NHERF1: variants seen among roughly 807,000 people sequenced by gnomAD.
NHERF1 encodes NHERF family PDZ scaffold protein 1, also known as Na(+)/H(+) exchange regulatory cofactor NHE-RF1.
chr17:74,748,958 T>C, the NHERF1 span: 1 of 1,606,480 alleles, frequency 6.2e-7, no homozygotes, highest in South Asian at 1.1e-5. The surrounding 1 kb of genome is among the most constrained non-coding windows in gnomAD (Gnocchi z 4.3). Flanking sequence ...GTTGGGCCAG[T>C]ACATCCGGCT....
chr17:74,766,802 T>G, the NHERF1 span: 1 of 840,460 alleles, frequency 1.2e-6, no homozygotes. Context: ...TCATGGTGGG[T>G]GGTAGTCAAA....
chr17:74,768,390 C>G, the NHERF1 span: 1 of 1,535,530 alleles, frequency 6.5e-7, no homozygotes, highest in Admixed American at 1.7e-5. Flanking sequence ...CCCAACGGAG[C>G]CACCTCACCA....
At chr17:74,768,617 G>A in the NHERF1 span, 1 of 1,614,112 alleles carries the variant, frequency 6.2e-7, no homozygotes. Flanking sequence ...CCCCGCAGAT[G>A]GACTGGAGCA....
the NHERF1 span, chr17:74,768,425 G>A: frequency 6.2e-7 from 1 of 1,603,108 alleles, no homozygotes; most frequent in Non-Finnish European, 8.5e-7. Flanking sequence ...GGAGCCTAAT[G>A]AGGGACTGAC....
At chr17:74,749,152 C>A in the NHERF1 span, 1 of 1,551,586 alleles carries the variant, frequency 6.4e-7, no homozygotes, top group East Asian at 2.3e-5. This position sits in a 1 kb window ranked among gnomAD's most constrained non-coding sequence, Gnocchi z 5.6. Context: ...TGCAGAAGCT[C>A]GGCGTCCAGG....
the NHERF1 span, among the ~76,000 whole-genome samples, chr17:74,756,365 G>A: frequency 4.7e-5 from 6 of 128,708 alleles, no homozygotes; most frequent in African/African-American, 1.2e-4. Flanking sequence ...TGCAACCTCC[G>A]CCTCCTGGGT....
At chr17:74,767,282 G>A in the NHERF1 span, among the ~76,000 whole-genome samples, 1 of 152,166 alleles carries the variant, frequency 6.6e-6, no homozygotes, top group Non-Finnish European at 1.5e-5. Flanking sequence ...CAAGAACAGA[G>A]CTTCAGTGTC....
chr17:74,766,945 C>T, the NHERF1 span: 1 of 1,614,128 alleles, frequency 6.2e-7, no homozygotes, highest in Non-Finnish European at 8.5e-7. Flanking sequence ...GGTCCCCTGC[C>T]TGTGCCCTTC....
At chr17:74,749,269 C>A in the NHERF1 span, 1 of 1,529,436 alleles carries the variant, frequency 6.5e-7, no homozygotes. The surrounding 1 kb of genome is among the most constrained non-coding windows in gnomAD (Gnocchi z 5.6). Context: ...GCGAGGCCGA[C>A]AAGAGCCACC....
At chr17:74,749,197 G>C in the NHERF1 span, 1 of 1,525,684 alleles carries the variant, frequency 6.6e-7, no homozygotes, top group Non-Finnish European at 8.8e-7. The surrounding 1 kb of genome is among the most constrained non-coding windows in gnomAD (Gnocchi z 5.6). Context: ...AGGAAGCGCC[G>C]GGGCAGGCCG....
the NHERF1 span, chr17:74,763,240 TC>T: frequency 2.5e-6 from 2 of 805,194 alleles, no homozygotes; most frequent in Non-Finnish European, 3.9e-6. Flanking sequence ...GGGGTCAGTA[TC>T]CCCAGGTTGT....
chr17:74,758,057 G>A, the NHERF1 span, among the ~76,000 whole-genome samples: 1 of 152,170 alleles, frequency 6.6e-6, no homozygotes, highest in South Asian at 2.1e-4. The surrounding 1 kb of genome is among the most constrained non-coding windows in gnomAD (Gnocchi z 4.3). Flanking sequence ...GGAGGGGCTG[G>A]GCCCAATGGG....
chr17:74,756,651 G>A, the NHERF1 span, among the ~76,000 whole-genome samples: 3 of 152,192 alleles, frequency 2.0e-5, no homozygotes, highest in Non-Finnish European at 2.9e-5. Flanking sequence ...TATATCTACT[G>A]GACAGTGCTG....
At chr17:74,757,648 CA>C in the NHERF1 span, among the ~76,000 whole-genome samples, 1 of 151,942 alleles carries the variant, frequency 6.6e-6, no homozygotes, top group Non-Finnish European at 1.5e-5. Context: ...GAAGAGCTGG[CA>C]CCAGGCCCAG....
chr17:74,760,090 G>C, the NHERF1 span, among the ~76,000 whole-genome samples: 5 of 152,192 alleles, frequency 3.3e-5, no homozygotes, highest in African/African-American at 1.2e-4. This position sits in a 1 kb window ranked among gnomAD's most constrained non-coding sequence, Gnocchi z 4.5. Flanking sequence ...ACGGCGACTG[G>C]TCAGACTTGT....
At chr17:74,749,135 G>A in the NHERF1 span, 4 of 1,564,924 alleles carry the variant, frequency 2.6e-6, no homozygotes, top group East Asian at 2.3e-5. This position sits in a 1 kb window ranked among gnomAD's most constrained non-coding sequence, Gnocchi z 5.6. Flanking sequence ...CGAGACGGAC[G>A]AGCAGCTGCA....
At chr17:74,768,560 G>A in the NHERF1 span, 1 of 1,614,024 alleles carries the variant, frequency 6.2e-7, no homozygotes, top group Admixed American at 1.7e-5. Context: ...ACATCTCCCT[G>A]GCCATGGCCA....
the NHERF1 span, among the ~76,000 whole-genome samples, chr17:74,757,094 C>T: frequency 6.6e-6 from 1 of 152,096 alleles, no homozygotes; most frequent in Non-Finnish European, 1.5e-5. Flanking sequence ...CCCAGCCCTG[C>T]AGAGACCTGA....
the NHERF1 span, among the ~76,000 whole-genome samples, chr17:74,753,734 C>T: frequency 6.8e-6 from 1 of 146,226 alleles, no homozygotes; most frequent in Non-Finnish European, 1.5e-5. Flanking sequence ...ACCAAAAAAA[C>T]AGGGGGAGGG....
Sources: gnomAD v4.1 joint callset for allele counts (sites outside exome capture counted in the v4.1 genomes callset) on GRCh38, gnomAD v4.1.1 for gene constraint, Gnocchi (gnomAD v3.1) non-coding constraint, MANE v1.5 for transcripts, NCBI Gene and HGNC (gene_info 2026-07-23, HGNC 2026-07-21) for gene names.